SPTB: variants seen among roughly 807,000 people sequenced by gnomAD.
SPTB encodes the protein spectrin beta, erythrocytic.
A neutral mutation model predicts 256.2 loss-of-function variants in SPTB; 45 were observed. The observed-to-expected ratio is 0.18, with a 90% CI of 0.14 to 0.23. The LOEUF (loss-of-function observed/expected upper bound fraction) is 0.23. SPTB is among the 10% of genes least tolerant of loss of function. The pLI is 1.00. For missense variants in SPTB, 2,715 were observed against 3,040.4 expected (o/e 0.89, Z 2.52); for synonymous variants, 1,231 against 1,243.1 (o/e 0.99, Z 0.21).
intron 1 of SPTB, among the ~76,000 whole-genome samples, chr14:64,876,327 A>G (rs1056176124): frequency 6.6e-6 from 1 of 151,984 alleles, no homozygotes; most frequent in South Asian, 2.1e-4. Context: ...TTTTTAGTAG[A>G]GATAGGTTTG....
At chr14:64,809,283 A>G (rs990107149) in intron 2 of SPTB, among the ~76,000 whole-genome samples, 2 of 147,862 alleles carry the variant, frequency 1.4e-5, no homozygotes, top group East Asian at 2.1e-4. Context: ...AAAAAAAAAA[A>G]GGCCAAAGCT....
intron 2 of SPTB, among the ~76,000 whole-genome samples, chr14:64,817,849 T>A (rs2083220004): frequency 6.6e-6 from 1 of 152,214 alleles, no homozygotes; most frequent in Non-Finnish European, 1.5e-5. Flanking sequence ...AGCAGCAGCA[T>A]CCGAGGAATG....
In SPTB at chr14:64,772,891, C is replaced by G; in HGVS notation, c.5242G>C (p.Asp1748His). The part of the protein sequence containing the change: ...ETGAIGQERV[D>H]NVNAFIERLI... ...CGCTCGATGAAGGCATTCACATTGT[C>G]CACCCGCTCCTGCCCAATCGCCCCG... is the stretch of plus-strand genomic sequence containing the variant. Residue 1748 changes from aspartate to histidine, a missense_variant, in exon 26 of 36, where the codon GAC becomes CAC. Physicochemically the swap from Asp to His is moderately conservative, Grantham distance 81. This residue lies in a region of SPTB where 2,239 missense variants were observed against 2,384.4 expected (regional missense o/e 0.94). Coordinates refer to ENST00000644917, the MANE Select transcript of SPTB (RefSeq NM_001355436.2). The surrounding 1 kb of genome is among the most constrained non-coding windows in gnomAD (Gnocchi z 5.4). The G allele has an allele frequency of 6.2e-7, 1 of 1,607,288 alleles. No homozygotes were observed. The highest frequency in any genetic ancestry group is 8.5e-7 in the Non-Finnish European group (1 of 1,175,146).
intron 15 of SPTB, among the ~76,000 whole-genome samples, chr14:64,787,697 T>C (rs4902314): frequency 0.058 from 8,864 of 152,212 alleles, 324 homozygotes; most frequent in Non-Finnish European, 0.09. Context: ...AAGAAGAGAA[T>C]GGGGAGGAAT....
chr14:64,755,939 T>C (rs2082011251), intron 32 of SPTB: 1 of 152,110 alleles, frequency 6.6e-6, no homozygotes, highest in Non-Finnish European at 1.5e-5. Flanking sequence ...TTCGATAGGA[T>C]TCATATCCGA....
At chr14:64,754,265 T>G (rs1023788184) in intron 32 of SPTB, 1 of 256,890 alleles carries the variant, frequency 3.9e-6, no homozygotes, top group Non-Finnish European at 7.7e-6. Flanking sequence ...GGAACTCTTC[T>G]GGTACTTTCA....
Position 64,779,160 on chromosome 14 carries a change from G to A in SPTB, c.4560C>T (p.Asn1520=), listed in dbSNP as rs2082417995. The A allele has an allele frequency of 1.9e-6, 3 of 1,613,666 alleles. No homozygotes were observed. The highest frequency in any genetic ancestry group is 2.5e-6 in the Non-Finnish European group (3 of 1,179,852). The change falls in exon 22 of 36, where the codon AAC becomes AAT. Residue 1520 remains asparagine (N), a synonymous_variant. Transcript: ENST00000644917. The surrounding 1 kb of genome is among the most constrained non-coding windows in gnomAD (Gnocchi z 4.2). ...GGTGAGGTGACGCAGGACTCACCTG[G>A]TTCTTCTTCATGAACAGTTGCACAG... The part of the protein sequence containing the change: ...LQTVQLFMKK[N]QTLQNEILGH...
intron 1 of SPTB, among the ~76,000 whole-genome samples, chr14:64,854,266 T>G (rs1229602769): frequency 1.4e-5 from 2 of 139,652 alleles, no homozygotes; most frequent in African/African-American, 2.6e-5. Flanking sequence ...TCAATAGTTT[T>G]CCAAACTCTT....
intron 1 of SPTB, among the ~76,000 whole-genome samples, chr14:64,857,765 T>C (rs2139792235): frequency 6.6e-6 from 1 of 152,306 alleles, no homozygotes; most frequent in East Asian, 1.9e-4. Context: ...AGATGGGAAC[T>C]GCTGGCAAAG....
intron 18 of SPTB, 86 bp from the exon 19 acceptor site, chr14:64,784,479 G>GA: frequency 6.4e-7 from 1 of 1,556,426 alleles, no homozygotes; most frequent in Admixed American, 1.7e-5. Flanking sequence ...GCTGCAGAAG[G>GA]AGAAGGCCAT....
Position 64,852,328 on chromosome 14 carries a change from G to A in SPTB, c.-52+27464C>T, listed in dbSNP as rs764437190. Among the ~76,000 whole-genome samples, 2 of 152,158 alleles carry A rather than the reference G, an allele frequency of 1.3e-5. No homozygotes were observed. The highest frequency in any genetic ancestry group is 2.4e-5 in the African/African-American group (1 of 41,430). Reference sequence around the variant, plus strand: ...TGGAAGAAACAGCCTGGAGATCCTGGGAAACTGCTACCAGTTCAGAGAGGG... The same window carrying A: ...TGGAAGAAACAGCCTGGAGATCCTGAGAAACTGCTACCAGTTCAGAGAGGG... On this transcript the variant is annotated intron_variant, in intron 1 of 35. Transcript: ENST00000644917. The surrounding 1 kb of genome is among the most constrained non-coding windows in gnomAD (Gnocchi z 4.2).
rs1178490889 is a variant in SPTB at position 64,782,416 on chromosome 14, G to A, written c.4140C>T (p.Ser1380=). ...CATGGGTCTGCAAGCGCAGGTCGGA[G>A]CTCCTGGCAGCCGAGAGGTGCTGGG... is the stretch of plus-strand genomic sequence containing the variant. ...EKTQHLSAAR[S]SDLRLQTHAD... is the part of the protein sequence containing the mutation. The change falls in exon 20 of 36, where the codon AGC becomes AGT. Residue 1380 remains serine (S), a synonymous_variant. Coordinates refer to ENST00000644917, the MANE Select transcript of SPTB (RefSeq NM_001355436.2). The A allele has an allele frequency of 2.5e-6, 4 of 1,614,156 alleles. No individual in the cohort carries two copies. Among genetic ancestry groups the A allele is most frequent in the Non-Finnish European group, 3.4e-6 (4 of 1,180,048 alleles).
chr14:64,829,811 C>T (rs572469729), intron 1 of SPTB, among the ~76,000 whole-genome samples: 6 of 152,232 alleles, frequency 3.9e-5, no homozygotes, highest in African/African-American at 1.4e-4. Flanking sequence ...AAAGTCAACC[C>T]CTTCCCATGG....
Position 64,753,697 on chromosome 14 carries a change from T to C in SPTB, c.6442A>G (p.Thr2148Ala), listed in dbSNP as rs2139431990. The C allele has an allele frequency of 6.2e-7, 1 of 1,613,744 alleles. No individual in the cohort carries two copies. The highest frequency in any genetic ancestry group is 8.5e-7 in the Non-Finnish European group (1 of 1,180,016). The stretch of plus-strand genomic sequence containing the variant: ...AGGACCTTAAAGAGGGGCTCCGTGG[T>C]GGGCCTCTCATCCCCAGTGGATTTC... ...GQKSTGDERP[T>A]TEPLFKVLDT... Residue 2148 changes from threonine (T) to alanine (A), a missense_variant, in exon 33 of 36, where the codon ACC becomes GCC. By Grantham distance (58) the Thr-to-Ala change is moderately conservative (BLOSUM62 0). Transcript: ENST00000644917.
At chr14:64,843,142 G>C (rs962521499) in intron 1 of SPTB, among the ~76,000 whole-genome samples, 14 of 152,152 alleles carry the variant, frequency 9.2e-5, no homozygotes, top group Admixed American at 8.5e-4. Flanking sequence ...CGTTTACATG[G>C]GTACTGGCCA....
intron 23 of SPTB, 103 bp from the exon 24 acceptor site, chr14:64,774,630 G>T: frequency 2.0e-6 from 3 of 1,510,762 alleles, no homozygotes; most frequent in Non-Finnish European, 2.7e-6. Flanking sequence ...GAGGAGGGGA[G>T]TAGGCTTGTG....
chr14:64,779,811 G>A lies in SPTB; in HGVS notation c.4387C>T (p.Leu1463Phe). 3 of 1,614,112 alleles carry A rather than the reference G, an allele frequency of 1.9e-6. No homozygotes were observed. Among genetic ancestry groups the A allele is most frequent in the Non-Finnish European group, 2.5e-6 (3 of 1,180,020 alleles). The change falls in exon 21 of 36, where the codon CTC (leucine) becomes TTC (phenylalanine). Residue 1463 changes from leucine (L) to phenylalanine (F), a missense_variant. Leu to Phe is a conservative substitution (Grantham distance 22). Around this residue, in one of 4 missense-constraint regions of SPTB, gnomAD observed 2,239 missense variants for 2,384.4 expected, o/e 0.94. Coordinates refer to ENST00000644917, the MANE Select transcript of SPTB (RefSeq NM_001355436.2). This position sits in a 1 kb window ranked among gnomAD's most constrained non-coding sequence, Gnocchi z 4.2. ...TTCCTCCTTCCTAGGGGTTCCAGGA[G>A]GTCCAGGAACCGCTTCTCGATGCTC... ...DLSIEKRFLD[L>F]LEPLGRRKKQ...
chr14:64,760,473 C>G lies in SPTB; in HGVS notation c.6345+6253G>C, dbSNP rs534309902. On this transcript the variant is annotated intron_variant, in intron 32 of 35. Transcript: ENST00000644917. The surrounding 1 kb of genome is among the most constrained non-coding windows in gnomAD (Gnocchi z 4.3). Reference sequence around the variant, plus strand: ...GAGGTTCTGAAGATGCTCAGAGAACCCGGATGCATTTACAAGCAAAGAACA... The same window carrying G: ...GAGGTTCTGAAGATGCTCAGAGAACGCGGATGCATTTACAAGCAAAGAACA... Among the ~76,000 whole-genome samples, 1 of 152,066 alleles carries G rather than the reference C, an allele frequency of 6.6e-6. No homozygotes were observed. Among genetic ancestry groups the G allele is most frequent in the African/African-American group, 2.4e-5 (1 of 41,406 alleles).
chr14:64,861,178 A>G (rs2083962922), intron 1 of SPTB, among the ~76,000 whole-genome samples: 1 of 152,186 alleles, frequency 6.6e-6, no homozygotes, highest in Non-Finnish European at 1.5e-5. Context: ...AGAGGGGAAC[A>G]ACACACACCA....
Sources: allele counts gnomAD v4.1 joint callset (sites outside exome capture counted in the v4.1 genomes callset), GRCh38; gene constraint gnomAD v4.1.1; regional missense constraint gnomAD v4.1.1; non-coding constraint Gnocchi (gnomAD v3.1); transcripts MANE v1.5; gene names NCBI Gene and HGNC (gene_info 2026-07-23, HGNC 2026-07-21).